Variants in CDH12 observed in about 807,000 individuals in gnomAD.
CDH12 encodes cadherin-12.
In CDH12, 41 loss-of-function variants were observed where a neutral mutation model predicts 74.1. The observed-to-expected ratio is 0.55, with a 90% CI of 0.43 to 0.72. The LOEUF is 0.72. Among genes scored for constraint, CDH12 ranks in the 30% least tolerant of loss-of-function variants. CDH12 has a pLI of 0.00. For synonymous variants in CDH12, 399 were observed against 355.0 expected (o/e 1.12, Z -1.39); for missense variants, 945 against 977.2 (o/e 0.97, Z 0.44).
chr5:21,835,608 T>G (rs1749487599), intron 8 of CDH12, among the ~76,000 whole-genome samples: 2 of 151,888 alleles, frequency 1.3e-5, no homozygotes, highest in African/African-American at 4.8e-5. Flanking sequence ...TAGCTTACCA[T>G]TTTCCAAGTT....
chr5:22,470,416 A>AT (rs145307255), intron 2 of CDH12, among the ~76,000 whole-genome samples: 3 of 146,322 alleles, frequency 2.1e-5, no homozygotes, highest in Non-Finnish European at 4.5e-5. Context: ...ATTTTATTTT[A>AT]TTTATTTTAT....
At chr5:22,512,065 A>G (rs1332343896) in intron 1 of CDH12, among the ~76,000 whole-genome samples, 1 of 152,044 alleles carries the variant, frequency 6.6e-6, no homozygotes, top group Non-Finnish European at 1.5e-5. Context: ...AATTAAGAAT[A>G]TCATACCTAA....
intron 1 of CDH12, among the ~76,000 whole-genome samples, chr5:22,569,485 T>C (rs918269199): frequency 4.6e-5 from 7 of 152,168 alleles, no homozygotes; most frequent in African/African-American, 1.7e-4. Flanking sequence ...AAACCTCTTT[T>C]CATTATAAGT....
At chr5:21,993,589 C>A (rs192063773) in intron 5 of CDH12, among the ~76,000 whole-genome samples, 2 of 152,160 alleles carry the variant, frequency 1.3e-5, no homozygotes, top group East Asian at 3.9e-4. Context: ...TCACAGCTGG[C>A]AGTAACAAAG....
At chr5:22,264,978 A>G (rs928152057) in intron 3 of CDH12, among the ~76,000 whole-genome samples, 22 of 152,298 alleles carry the variant, frequency 1.4e-4, no homozygotes, top group African/African-American at 5.1e-4. Context: ...AATGACCCTC[A>G]GTTTGAGAAC....
intron 6 of CDH12, among the ~76,000 whole-genome samples, chr5:21,964,457 T>C (rs530052989): frequency 3.3e-5 from 5 of 152,152 alleles, no homozygotes; most frequent in Admixed American, 6.6e-5. Context: ...TCTGCCTTTC[T>C]AGAATTAGCA....
In CDH12 at chr5:22,687,548, C is replaced by T. The variant is rs910691939; in HGVS notation, c.-523+165510G>A. On this transcript the variant is annotated intron_variant, in intron 1 of 14. Transcript: ENST00000382254. The stretch of plus-strand genomic sequence containing the variant: ...TCAGCCTCTCAAGTAGCTGGGACTA[C>T]AGGCACAAGCCACCAATGCCCAGGA... Among the ~76,000 whole-genome samples the T allele has an allele frequency of 5.3e-5, 8 of 152,168 alleles. No homozygotes were observed. In the East Asian group the frequency reaches 1.4e-3, roughly 26 times the overall value.
intron 7 of CDH12, among the ~76,000 whole-genome samples, chr5:21,843,109 A>C (rs908808176): frequency 6.6e-6 from 1 of 152,178 alleles, no homozygotes; most frequent in South Asian, 2.1e-4. Flanking sequence ...AAAAGAACCA[A>C]AACCTCCTGG....
intron 1 of CDH12, among the ~76,000 whole-genome samples, chr5:22,566,148 G>A (rs1213898855): frequency 6.6e-6 from 1 of 151,962 alleles, no homozygotes; most frequent in Non-Finnish European, 1.5e-5. Flanking sequence ...TATATCGTAA[G>A]GGCCTGTCAC....
intron 1 of CDH12, among the ~76,000 whole-genome samples, chr5:22,769,778 A>G (rs1746714740): frequency 6.6e-6 from 1 of 151,942 alleles, no homozygotes; most frequent in Non-Finnish European, 1.5e-5. Context: ...AACAATACAA[A>G]TAGTATTTTC....
chr5:22,208,059 T>G (rs769820298), intron 4 of CDH12, among the ~76,000 whole-genome samples: 1 of 152,226 alleles, frequency 6.6e-6, no homozygotes, highest in Non-Finnish European at 1.5e-5. Flanking sequence ...ACACCTTAAC[T>G]GACTTGTCCA....
chr5:22,796,926 A>G (rs1490647605), intron 1 of CDH12, among the ~76,000 whole-genome samples: 1 of 152,172 alleles, frequency 6.6e-6, no homozygotes, highest in Non-Finnish European at 1.5e-5. Flanking sequence ...AAATAATACT[A>G]TGATTTAAAA....
chr5:22,497,727 C>T (rs1172140193), intron 2 of CDH12, among the ~76,000 whole-genome samples: 2 of 144,816 alleles, frequency 1.4e-5, no homozygotes, highest in Admixed American at 1.4e-4. Context: ...ACTGCAACCT[C>T]AGCCTCCGAG....
chr5:22,558,688 G>A (rs1055623368), intron 1 of CDH12, among the ~76,000 whole-genome samples: 1 of 151,714 alleles, frequency 6.6e-6, no homozygotes, highest in East Asian at 1.9e-4. Context: ...GGTAAATTAC[G>A]AAATAAAAAA....
At chr5:22,216,132 T>A (rs1396184321) in intron 3 of CDH12, among the ~76,000 whole-genome samples, 1 of 152,072 alleles carries the variant, frequency 6.6e-6, no homozygotes, top group Non-Finnish European at 1.5e-5. Context: ...AATATGTTTA[T>A]CTGAGTCATC....
chr5:22,813,527 G>A (rs906473882), intron 1 of CDH12, among the ~76,000 whole-genome samples: 1 of 152,080 alleles, frequency 6.6e-6, no homozygotes, highest in Non-Finnish European at 1.5e-5. Context: ...TTCTCTTTGA[G>A]TGAGGGCAGA....
At chr5:22,167,936 C>A (rs952995752) in intron 4 of CDH12, among the ~76,000 whole-genome samples, 7 of 152,064 alleles carry the variant, frequency 4.6e-5, no homozygotes, top group Non-Finnish European at 1.0e-4. Flanking sequence ...GTCAAAACAC[C>A]ACCATTAGAT....
intron 1 of CDH12, among the ~76,000 whole-genome samples, chr5:22,550,113 C>G (rs1276588951): frequency 6.6e-6 from 1 of 152,168 alleles, no homozygotes; most frequent in African/African-American, 2.4e-5. Flanking sequence ...GTGACTCTCT[C>G]TCACTTTGTT....
intron 1 of CDH12, among the ~76,000 whole-genome samples, chr5:22,578,389 G>A (rs113788250): frequency 6.7e-6 from 1 of 150,008 alleles, no homozygotes; most frequent in Non-Finnish European, 1.5e-5. Flanking sequence ...GTGTGTGTGG[G>A]GGGGGGGTGT....
Sources: gnomAD v4.1 joint callset for allele counts (sites outside exome capture counted in the v4.1 genomes callset) on GRCh38, gnomAD v4.1.1 for gene constraint, MANE v1.5 for transcripts, NCBI Gene and HGNC (gene_info 2026-07-23, HGNC 2026-07-21) for gene names.